LRRC37A2: variants seen among roughly 807,000 people sequenced by gnomAD.
LRRC37A2 encodes leucine rich repeat containing 37 member A2.
In LRRC37A2, 9 loss-of-function variants were observed where a neutral mutation model predicts 68.8. The observed-to-expected ratio is 0.13, with a 90% CI of 0.08 to 0.23. LRRC37A2 has a LOEUF of 0.23. Among genes scored for constraint, LRRC37A2 ranks in the 10% least tolerant of loss-of-function variants. The pLI is 1.00. For synonymous variants in LRRC37A2, 63 were observed against 367.6 expected (o/e 0.17, Z 9.48); for missense variants, 168 against 950.4 (o/e 0.18, Z 10.82).
the LRRC37A2 span, among the ~76,000 whole-genome samples, chr17:46,809,340 C>T: frequency 6.6e-6 from 1 of 152,272 alleles, no homozygotes; most frequent in East Asian, 1.9e-4. Flanking sequence ...ATGGGCCCTG[C>T]GAGATTGGTT....
At chr17:46,750,288 G>A in the LRRC37A2 span, among the ~76,000 whole-genome samples, 1 of 152,222 alleles carries the variant, frequency 6.6e-6, no homozygotes, top group African/African-American at 2.4e-5. Context: ...AGGAGGCGGA[G>A]GTTGCAGTGA....
At chr17:46,898,619 G>T in the LRRC37A2 span, among the ~76,000 whole-genome samples, 5 of 152,324 alleles carry the variant, frequency 3.3e-5, no homozygotes, top group South Asian at 1.0e-3. Flanking sequence ...GGAAGCAGAG[G>T]ATGAGGAACG....
the LRRC37A2 span, among the ~76,000 whole-genome samples, chr17:46,748,047 G>C: frequency 6.6e-6 from 1 of 152,162 alleles, no homozygotes; most frequent in Non-Finnish European, 1.5e-5. Flanking sequence ...GATAGCATTT[G>C]TCTTTTAGCC....
chr17:46,958,835 C>G, the LRRC37A2 span, among the ~76,000 whole-genome samples: 1 of 152,242 alleles, frequency 6.6e-6, no homozygotes, highest in Non-Finnish European at 1.5e-5. Flanking sequence ...GAGAACGGAG[C>G]TCTAGCCTGC....
At chr17:46,479,895 T>G in the LRRC37A2 span, among the ~76,000 whole-genome samples, 76 of 90,014 alleles carry the variant, frequency 8.4e-4, no homozygotes, top group African/African-American at 2.6e-3. Flanking sequence ...AGAGGTGGAT[T>G]TGTTCTAGCT....
At chr17:46,610,128 C>CT in the LRRC37A2 span, among the ~76,000 whole-genome samples, 2 of 60,064 alleles carry the variant, frequency 3.3e-5, no homozygotes, top group African/African-American at 1.2e-4. Context: ...TCTCTCTCTT[C>CT]CTTTCTTCCT....
At chr17:46,979,013 C>T in the LRRC37A2 span, 4 of 1,400,802 alleles carry the variant, frequency 2.9e-6, no homozygotes, top group Non-Finnish European at 3.7e-6. Context: ...TTCATCGCCG[C>T]GCGGCGCCGG....
the LRRC37A2 span, chr17:46,932,378 C>T: frequency 2.9e-6 from 2 of 680,424 alleles, no homozygotes; most frequent in East Asian, 2.7e-5. Context: ...ACAGAGAATC[C>T]CTTTTTCTAA....
At chr17:46,978,492 C>G in the LRRC37A2 span, 7 of 878,430 alleles carry the variant, frequency 8.0e-6, no homozygotes, top group South Asian at 1.1e-4. Context: ...TTCCCGCGCC[C>G]CCGCCGACAG....
At chr17:46,858,414 G>T in the LRRC37A2 span, among the ~76,000 whole-genome samples, 1 of 152,170 alleles carries the variant, frequency 6.6e-6, no homozygotes, top group Non-Finnish European at 1.5e-5. Context: ...TTCTACCCAA[G>T]AAATCTCTGC....
chr17:47,008,114 T>A, the LRRC37A2 span, among the ~76,000 whole-genome samples: 5 of 150,774 alleles, frequency 3.3e-5, no homozygotes, highest in African/African-American at 2.4e-5. Context: ...TTAATTAATT[T>A]TTTTTTTTTT....
chr17:46,768,353 A>G, the LRRC37A2 span: 1 of 1,613,790 alleles, frequency 6.2e-7, no homozygotes, highest in Admixed American at 1.7e-5. The surrounding 1 kb of genome is among the most constrained non-coding windows in gnomAD (Gnocchi z 5.0). Context: ...AGATGCGAAT[A>G]CACTCCTGGC....
chr17:46,489,739 G>A, the LRRC37A2 span, among the ~76,000 whole-genome samples: 4 of 149,228 alleles, frequency 2.7e-5, no homozygotes, highest in East Asian at 4.0e-4. Flanking sequence ...CCGCCCGCCT[G>A]GGCCTCCCAA....
At chr17:46,801,705 G>A in the LRRC37A2 span, among the ~76,000 whole-genome samples, 3 of 152,178 alleles carry the variant, frequency 2.0e-5, no homozygotes, top group East Asian at 1.9e-4. Flanking sequence ...GATCCGTTGA[G>A]GCTGAGAAAG....
chr17:47,038,575 T>A, the LRRC37A2 span, among the ~76,000 whole-genome samples: 1 of 146,700 alleles, frequency 6.8e-6, no homozygotes, highest in Non-Finnish European at 1.5e-5. Flanking sequence ...AAAACTTCGC[T>A]TCTCTAAAGC....
the LRRC37A2 span, among the ~76,000 whole-genome samples, chr17:46,412,674 CT>C: frequency 2.2e-5 from 1 of 45,684 alleles, no homozygotes; most frequent in African/African-American, 7.2e-5. Context: ...GGGGCTAAGA[CT>C]TCAACATACT....
chr17:46,748,562 CAG>C, the LRRC37A2 span, among the ~76,000 whole-genome samples: 1 of 152,104 alleles, frequency 6.6e-6, no homozygotes, highest in African/African-American at 2.4e-5. Flanking sequence ...GCAGCATAGA[CAG>C]GGGAATAGAT....
chr17:46,970,834 A>G, the LRRC37A2 span, among the ~76,000 whole-genome samples: 2 of 152,268 alleles, frequency 1.3e-5, no homozygotes, highest in Non-Finnish European at 2.9e-5. Flanking sequence ...TCATACACTG[A>G]TAAGTGAAAA....
At chr17:46,717,245 C>T in the LRRC37A2 span, among the ~76,000 whole-genome samples, 1 of 152,116 alleles carries the variant, frequency 6.6e-6, no homozygotes, top group Non-Finnish European at 1.5e-5. Flanking sequence ...AAGCCAGGCA[C>T]AGAAAGTCAA....
Sources: allele counts gnomAD v4.1 joint callset (sites outside exome capture counted in the v4.1 genomes callset), GRCh38; gene constraint gnomAD v4.1.1; non-coding constraint Gnocchi (gnomAD v3.1); transcripts MANE v1.5; gene names NCBI Gene and HGNC (gene_info 2026-07-23, HGNC 2026-07-21).